Variants in SMG6 observed in about 807,000 individuals in gnomAD.
SMG6 encodes the protein SMG6 nonsense mediated mRNA decay factor, also known as telomerase-binding protein EST1A.
Under a neutral mutation model 142.2 loss-of-function variants are expected in SMG6, and 66 were observed. The ratio of observed to expected loss-of-function variants is 0.46; its 90% CI spans 0.38 to 0.57. SMG6 has a LOEUF of 0.57. Ranked by LOEUF, SMG6 falls within the 20% of genes least tolerant of loss-of-function variation. The probability of loss-of-function intolerance (pLI) is 0.00; values close to 1 mark genes in which losing one functional copy is unlikely to be tolerated. For missense variants in SMG6, 1,793 were observed against 1,832.0 expected (o/e 0.98, Z 0.39); for synonymous variants, 779 against 702.4 (o/e 1.11, Z -1.72).
intron 10 of SMG6, among the ~76,000 whole-genome samples, chr17:2,207,706 T>C (rs2072730502): frequency 6.6e-6 from 1 of 152,184 alleles, no homozygotes; most frequent in Non-Finnish European, 1.5e-5. Context: ...TTTTGGAATA[T>C]TTCTACAACA....
At chr17:2,252,504 CAG>C (rs1447883968) in intron 8 of SMG6, among the ~76,000 whole-genome samples, 2 of 152,166 alleles carry the variant, frequency 1.3e-5, no homozygotes, top group Non-Finnish European at 1.5e-5. Context: ...ATGGTATGAA[CAG>C]AGACCGCTGA....
At chr17:2,284,595 T>C (rs550568445) in intron 6 of SMG6, among the ~76,000 whole-genome samples, 2 of 152,188 alleles carry the variant, frequency 1.3e-5, no homozygotes, top group Non-Finnish European at 2.9e-5. Context: ...TCAAAATACA[T>C]TTAAAATGCT....
chr17:2,252,588 C>T (rs2074072331), intron 8 of SMG6, among the ~76,000 whole-genome samples: 2 of 152,154 alleles, frequency 1.3e-5, no homozygotes, highest in Non-Finnish European at 2.9e-5. Context: ...CAGGAAGTCA[C>T]ATAAATCTTC....
intron 15 of SMG6, 151 bp from the exon 16 acceptor site, chr17:2,069,082 A>G: frequency 1.4e-6 from 1 of 731,182 alleles, no homozygotes; most frequent in Non-Finnish European, 2.2e-6. Flanking sequence ...TCTCAGGGAT[A>G]GGCCCAAGGG....
intron 1 of SMG6, 45 bp downstream of exon 1, chr17:2,303,588 G>A: frequency 1.5e-6 from 2 of 1,376,048 alleles, no homozygotes; most frequent in Non-Finnish European, 9.4e-7. Flanking sequence ...GGAGAGGGAG[G>A]CGGGGCGGGC....
In SMG6 at chr17:2,106,210, A is replaced by C. The variant is rs560914581; in HGVS notation, c.3358-20309T>G. On this transcript the variant is annotated intron_variant, in intron 13 of 18. Transcript: ENST00000263073. ...CCATAGAATTTTCCCTTTCCACCCCATCACTTTTCTTCTTGTCTCTTTTCT... is the reference window on the plus strand; with the variant it reads ...CCATAGAATTTTCCCTTTCCACCCCCTCACTTTTCTTCTTGTCTCTTTTCT... Among the ~76,000 whole-genome samples, 3 of 152,262 alleles carry C rather than the reference A, an allele frequency of 2.0e-5. No individual in the cohort carries two copies. In the South Asian group the frequency reaches 6.2e-4, roughly 32 times the overall value.
intron 15 of SMG6, 97 bp from the exon 16 acceptor site, chr17:2,069,028 T>G: frequency 3.3e-6 from 4 of 1,229,206 alleles, no homozygotes; most frequent in Non-Finnish European, 4.6e-6. Context: ...ATCCTGCCCC[T>G]AGGAACCTCT....
intron 13 of SMG6, among the ~76,000 whole-genome samples, chr17:2,145,643 CAAAAAA>C (rs61451940): frequency 8.4e-5 from 2 of 23,776 alleles, no homozygotes; most frequent in South Asian, 2.7e-3. Context: ...TCCATCTCCC[CAAAAAA>C]AAAAAAAAAA....
chr17:2,076,568 G>A (rs1266134018), intron 15 of SMG6, among the ~76,000 whole-genome samples: 1 of 152,214 alleles, frequency 6.6e-6, no homozygotes, highest in East Asian at 1.9e-4. Flanking sequence ...GCCTTCACCG[G>A]CCCTGTTTTA....
chr17:2,240,463 T>C (rs1212035304), intron 9 of SMG6, among the ~76,000 whole-genome samples: 1 of 142,872 alleles, frequency 7.0e-6, no homozygotes, highest in Non-Finnish European at 1.5e-5. Context: ...AACTAAGCCA[T>C]GTGACAGGGT....
intron 10 of SMG6, chr17:2,232,834 C>T (rs1293082508): frequency 1.3e-5 from 2 of 152,216 alleles, no homozygotes; most frequent in African/African-American, 4.8e-5. Context: ...TCTGGCCTCA[C>T]ATCCTCTGCC....
chr17:2,068,669 TACAC>T lies in SMG6; in HGVS notation c.3835+105_3835+108del. On this transcript the variant is annotated intron_variant, in intron 16 of 18. Transcript: ENST00000263073. The surrounding 1 kb of genome is among the most constrained non-coding windows in gnomAD (Gnocchi z 6.7). ...CCCTACTCCCCTGCAAATCCCATCT[TACAC>T]ACGCACAGCAGGGCTCTGCCTGCCT... 1 of 1,159,750 alleles carries T rather than the reference TACAC, an allele frequency of 8.6e-7. No individual in the cohort carries two copies. 71.8% of individuals were successfully genotyped at this position (1,159,750 alleles called of 1,614,324 possible).
At chr17:2,214,010 G>A (rs1467860913) in intron 10 of SMG6, 10 of 152,326 alleles carry the variant, frequency 6.6e-5, no homozygotes, top group South Asian at 2.1e-4. Context: ...AGGAAGCTGA[G>A]AGTTCAACCA....
chr17:2,184,657 CAAAA>C (rs150364302), intron 12 of SMG6, among the ~76,000 whole-genome samples: 44 of 52,786 alleles, frequency 8.3e-4, no homozygotes, highest in East Asian at 5.7e-4. Context: ...AACTCCGTCT[CAAAA>C]AAAAAAAAAA....
At chr17:2,070,438 G>C (rs572575335) in intron 15 of SMG6, among the ~76,000 whole-genome samples, 1 of 152,326 alleles carries the variant, frequency 6.6e-6, no homozygotes, top group African/African-American at 2.4e-5. Context: ...CTGCCACAGA[G>C]CAACTTGCAG....
chr17:2,105,369 A>G lies in SMG6; in HGVS notation c.3358-19468T>C, dbSNP rs541714828. Among the ~76,000 whole-genome samples the G allele has an allele frequency of 1.3e-4, 20 of 151,920 alleles. No individual in the cohort carries two copies. The South Asian group carries it at 4.2e-3, about 32-fold the overall frequency. Reference sequence around the variant, plus strand: ...GAGACCAGCCTGGCCAACATGGTGAAACCCAATCTCTACTAAAAATACAAA... The same window carrying G: ...GAGACCAGCCTGGCCAACATGGTGAGACCCAATCTCTACTAAAAATACAAA... On this transcript the variant is annotated intron_variant, in intron 13 of 18. Coordinates refer to ENST00000263073, the MANE Select transcript of SMG6 (RefSeq NM_017575.5).
chr17:2,263,145 G>A (rs143012667), intron 8 of SMG6, among the ~76,000 whole-genome samples: 1 of 152,186 alleles, frequency 6.6e-6, no homozygotes, highest in African/African-American at 2.4e-5. Context: ...TACAACCTCT[G>A]GAACAATTAA....
Position 2,100,637 on chromosome 17 carries a change from G to A in SMG6, c.3358-14736C>T, listed in dbSNP as rs534065189. On this transcript the variant is annotated intron_variant, in intron 13 of 18. Coordinates refer to ENST00000263073, the MANE Select transcript of SMG6 (RefSeq NM_017575.5). ...CTCACCTAGGCTGGAGTGCTGTGGT[G>A]TAAACACGGCTCACTGCAGTCTCAA... is the stretch of plus-strand genomic sequence containing the variant. Among the ~76,000 whole-genome samples, 9 of 152,348 alleles carry A rather than the reference G, an allele frequency of 5.9e-5. No homozygotes were observed. The East Asian group carries it at 1.4e-3, about 23-fold the overall frequency.
chr17:2,159,751 C>T (rs1198705798), intron 13 of SMG6, among the ~76,000 whole-genome samples: 2 of 152,064 alleles, frequency 1.3e-5, no homozygotes, highest in East Asian at 1.9e-4. Flanking sequence ...CATAACCCCT[C>T]CAAAATAAAA....
Sources: allele counts gnomAD v4.1 joint callset (sites outside exome capture counted in the v4.1 genomes callset), GRCh38; gene constraint gnomAD v4.1.1; non-coding constraint Gnocchi (gnomAD v3.1); transcripts MANE v1.5; gene names NCBI Gene and HGNC (gene_info 2026-07-23, HGNC 2026-07-21).